Variants in DLGAP1 observed in about 807,000 individuals in gnomAD.
The protein encoded by DLGAP1 is disks large-associated protein 1.
Under a neutral mutation model 90.8 loss-of-function variants are expected in DLGAP1, and 11 were observed. The observed-to-expected ratio is 0.12, with a 90% confidence interval of 0.08 to 0.20. The LOEUF (loss-of-function observed/expected upper bound fraction) is 0.20. Among genes scored for constraint, DLGAP1 ranks in the 10% least tolerant of loss-of-function variants. The pLI, the probability that DLGAP1 is intolerant of heterozygous loss-of-function variation, is 1.00. For synonymous variants in DLGAP1, 558 were observed against 540.7 expected, an observed-to-expected ratio of 1.03 and a Z score of -0.44; for missense variants, 1,050 against 1,333.8, an observed-to-expected ratio of 0.79 and a Z score of 3.31.
chr18:3,534,662 TTTCC>T (rs539319280), intron 9 of DLGAP1, 47 bp from the exon 10 acceptor site: 44,703 of 1,403,680 alleles, frequency 0.032, 729 homozygotes, highest in South Asian at 0.059. Flanking sequence ...TATTTCTTTC[TTTCC>T]TTCCTTCCTT....
At chr18:4,327,606 C>T (rs1317373966) in intron 1 of DLGAP1, among the ~76,000 whole-genome samples, 1 of 151,978 alleles carries the variant, frequency 6.6e-6, no homozygotes, top group Non-Finnish European at 1.5e-5. Flanking sequence ...TAAAATTTAT[C>T]AATTGTGCAC....
chr18:3,498,948 G>C lies in DLGAP1; in HGVS notation c.*237C>G. ...GGATCTCAGTATGAGGCAGGGCGACGGCATCAGGACAGGGGGCGAAGCTCG... is the reference window on the plus strand; with the variant it reads ...GGATCTCAGTATGAGGCAGGGCGACCGCATCAGGACAGGGGGCGAAGCTCG... On this transcript the variant is annotated 3_prime_UTR_variant, in exon 13 of 13. Transcript: ENST00000315677. 1 of 535,154 alleles carries C rather than the reference G, an allele frequency of 1.9e-6. No homozygotes were observed. The highest frequency in any genetic ancestry group is 2.0e-5 in the African/African-American group (1 of 49,330). 33.2% of individuals were successfully genotyped at this position (535,154 alleles called of 1,614,324 possible).
intron 4 of DLGAP1, chr18:3,874,430 A>C: frequency 7.0e-7 from 1 of 1,437,694 alleles, no homozygotes; most frequent in South Asian, 1.5e-5. Flanking sequence ...TGGAAATCTA[A>C]AATCTTGCTC....
intron 5 of DLGAP1, among the ~76,000 whole-genome samples, chr18:3,757,021 C>A (rs1449028099): frequency 6.6e-6 from 1 of 152,154 alleles, no homozygotes; most frequent in Non-Finnish European, 1.5e-5. Context: ...GAGGTAATAT[C>A]AATAGTCTAT....
chr18:3,556,585 A>G (rs2053763513), intron 9 of DLGAP1, among the ~76,000 whole-genome samples: 1 of 152,094 alleles, frequency 6.6e-6, no homozygotes, highest in African/African-American at 2.4e-5. Flanking sequence ...TTGTGGCTCA[A>G]TAGCTTATTA....
intron 7 of DLGAP1, among the ~76,000 whole-genome samples, chr18:3,719,632 T>C (rs932726389): frequency 5.3e-5 from 8 of 151,618 alleles, no homozygotes; most frequent in Non-Finnish European, 1.2e-4. Context: ...TTGGTTTTGA[T>C]ATTGTTGAGA....
chr18:3,876,966 G>T (rs1280260658), intron 4 of DLGAP1, among the ~76,000 whole-genome samples: 1 of 151,918 alleles, frequency 6.6e-6, no homozygotes, highest in Non-Finnish European at 1.5e-5. Flanking sequence ...CTTGATTTCA[G>T]GTCTGTGCTA....
intron 3 of DLGAP1, among the ~76,000 whole-genome samples, chr18:3,933,672 C>T (rs1234015583): frequency 1.3e-5 from 2 of 152,320 alleles, no homozygotes; most frequent in East Asian, 3.9e-4. Flanking sequence ...GCCTTAATCA[C>T]CCTTGCATCC....
At chr18:3,533,622 T>G (rs2052152788) in intron 10 of DLGAP1, among the ~76,000 whole-genome samples, 1 of 152,190 alleles carries the variant, frequency 6.6e-6, no homozygotes, top group Non-Finnish European at 1.5e-5. Context: ...TCACCCAGGC[T>G]GGAGTGCAGT....
At chr18:4,108,791 G>A (rs942778926) in intron 2 of DLGAP1, among the ~76,000 whole-genome samples, 2 of 152,174 alleles carry the variant, frequency 1.3e-5, no homozygotes, top group African/African-American at 4.8e-5. Context: ...GGGGTTTGGT[G>A]TTAGCTTTAA....
At chr18:3,918,717 G>C (rs28625346) in intron 3 of DLGAP1, among the ~76,000 whole-genome samples, 227 of 152,334 alleles carry the variant, frequency 1.5e-3, no homozygotes, top group African/African-American at 5.4e-3. Flanking sequence ...TGGGCAGGAA[G>C]AGAAAGTGGA....
At chr18:3,973,237 T>A (rs2073491754) in intron 3 of DLGAP1, among the ~76,000 whole-genome samples, 1 of 141,066 alleles carries the variant, frequency 7.1e-6, no homozygotes, top group Non-Finnish European at 1.5e-5. Context: ...TGCTGCTATC[T>A]AATTAGAAAA....
At chr18:3,887,904 C>A (rs892206618) in intron 3 of DLGAP1, among the ~76,000 whole-genome samples, 1 of 151,462 alleles carries the variant, frequency 6.6e-6, no homozygotes, top group Admixed American at 6.6e-5. Flanking sequence ...GTCAGGTGAT[C>A]GAGACCATCC....
intron 12 of DLGAP1, among the ~76,000 whole-genome samples, chr18:3,500,573 G>A (rs2049877872): frequency 6.6e-6 from 1 of 152,112 alleles, no homozygotes. Flanking sequence ...TGTCTAAGGT[G>A]GAGTCTGTGT....
chr18:4,328,238 T>C (rs1023759276), intron 1 of DLGAP1, among the ~76,000 whole-genome samples: 2 of 151,972 alleles, frequency 1.3e-5, no homozygotes, highest in Non-Finnish European at 2.9e-5. Context: ...CTCTCTCTCT[T>C]TAAGCTGTGT....
chr18:3,614,090 G>T (rs1630918), intron 7 of DLGAP1, among the ~76,000 whole-genome samples: 48,531 of 151,878 alleles, frequency 0.32, 8,954 homozygotes, highest in East Asian at 0.54. Context: ...CCCGGCTAAA[G>T]TTTGTATTTT....
At chr18:4,356,492 C>A (rs893508467) in intron 1 of DLGAP1, among the ~76,000 whole-genome samples, 2 of 152,142 alleles carry the variant, frequency 1.3e-5, no homozygotes, top group African/African-American at 4.8e-5. Context: ...ATATTTCTAG[C>A]AACACAAGTC....
At chr18:3,822,053 G>T in intron 4 of DLGAP1, 1 of 896,040 alleles carries the variant, frequency 1.1e-6, no homozygotes, top group Non-Finnish European at 1.3e-6. Flanking sequence ...GCAAGAATAG[G>T]AAAATTACAA....
At chr18:3,870,605 C>CATTT (rs754760770) in intron 4 of DLGAP1, among the ~76,000 whole-genome samples, 26 of 148,114 alleles carry the variant, frequency 1.8e-4, no homozygotes, top group African/African-American at 6.6e-4. Flanking sequence ...TACATAAATA[C>CATTT]ATCTATCTAT....
Sources: gnomAD v4.1 joint callset for allele counts (sites outside exome capture counted in the v4.1 genomes callset) on GRCh38, gnomAD v4.1.1 for gene constraint, MANE v1.5 for transcripts, NCBI Gene and HGNC (gene_info 2026-07-23, HGNC 2026-07-21) for gene names.